PDSS2: variants seen among roughly 807,000 people sequenced by gnomAD.
PDSS2 encodes the protein decaprenyl diphosphate synthase subunit 2.
In PDSS2, 31 loss-of-function variants were observed where a neutral mutation model predicts 44.5. That is an observed-to-expected ratio of 0.70 (90% CI 0.52 to 0.94). The LOEUF (loss-of-function observed/expected upper bound fraction) is 0.94, where lower values mean the gene tolerates loss of function less well. Ranked by LOEUF, PDSS2 falls within the 40% of genes least tolerant of loss-of-function variation. The probability of loss-of-function intolerance (pLI) is 0.00; values close to 1 mark genes in which losing one functional copy is unlikely to be tolerated. For synonymous variants in PDSS2, 157 were observed against 180.3 expected, an observed-to-expected ratio of 0.87 and a Z score of 1.03; for missense variants, 452 against 482.2, an observed-to-expected ratio of 0.94 and a Z score of 0.59.
At chr6:107,443,084 G>A (rs1781558372) in intron 1 of PDSS2, among the ~76,000 whole-genome samples, 1 of 152,222 alleles carries the variant, frequency 6.6e-6, no homozygotes, top group South Asian at 2.1e-4. Flanking sequence ...GTGGGTCAGT[G>A]TCTGGTGTTG....
chr6:107,258,581 C>G (rs1243201506), intron 3 of PDSS2, among the ~76,000 whole-genome samples: 2 of 152,162 alleles, frequency 1.3e-5, no homozygotes, highest in Non-Finnish European at 2.9e-5. Context: ...GCAGGCAGAT[C>G]ACCTGAGGTC....
At chr6:107,237,782 G>C (rs1383120967) in intron 4 of PDSS2, among the ~76,000 whole-genome samples, 1 of 151,288 alleles carries the variant, frequency 6.6e-6, no homozygotes, top group Non-Finnish European at 1.5e-5. Flanking sequence ...TGTAGTTCCA[G>C]CTACTTGGGA....
chr6:107,435,021 A>G (rs1781305384), intron 1 of PDSS2, among the ~76,000 whole-genome samples: 2 of 152,130 alleles, frequency 1.3e-5, no homozygotes. Context: ...TCATGTCTGT[A>G]ATCTCAGTAC....
intron 3 of PDSS2, among the ~76,000 whole-genome samples, chr6:107,263,218 C>T (rs570294940): frequency 8.6e-5 from 13 of 151,894 alleles, no homozygotes; most frequent in African/African-American, 2.7e-4. Context: ...TTTGGGAGGC[C>T]GAGGTGGGTA....
At chr6:107,378,573 G>C (rs1233742149) in intron 1 of PDSS2, among the ~76,000 whole-genome samples, 1 of 152,044 alleles carries the variant, frequency 6.6e-6, no homozygotes, top group Non-Finnish European at 1.5e-5. Flanking sequence ...ATCACCTGAG[G>C]TCAGGAGTTC....
chr6:107,450,101 T>A (rs1372967101), intron 1 of PDSS2, among the ~76,000 whole-genome samples: 1 of 152,206 alleles, frequency 6.6e-6, no homozygotes, highest in Admixed American at 6.5e-5. Flanking sequence ...ATTTTTAATT[T>A]TTTGATGAAT....
At chr6:107,440,066 T>C (rs1022749070) in intron 1 of PDSS2, among the ~76,000 whole-genome samples, 21 of 152,176 alleles carry the variant, frequency 1.4e-4, no homozygotes, top group Non-Finnish European at 2.1e-4. Context: ...AACAGGGATT[T>C]CCTCCCACCA....
intron 2 of PDSS2, among the ~76,000 whole-genome samples, chr6:107,321,014 T>C (rs1777365159): frequency 6.6e-6 from 1 of 152,208 alleles, no homozygotes. Flanking sequence ...TCTTTAAGCC[T>C]GTTTACCAAG....
chr6:107,359,773 T>C (rs76678504), intron 1 of PDSS2, among the ~76,000 whole-genome samples: 3,405 of 152,166 alleles, frequency 0.022, 106 homozygotes, highest in East Asian at 0.13. Context: ...GCCACTAACT[T>C]CTGAAAAGTC....
At position 107,228,300 on chromosome 6, in the gene PDSS2, C is replaced by T. The variant is rs114594083; in HGVS notation, c.703-16018G>A. Among the ~76,000 whole-genome samples the T allele has an allele frequency of 6.4e-3, 972 of 152,284 alleles. 11 individuals are homozygous for T. The highest frequency in any genetic ancestry group is 0.023 in the African/African-American group (936 of 41,548). ...CTGCCTTCTCAATATCTATATCAACCTTCACTTTACCACTTTGCATATTTA... is the reference window on the plus strand; with the variant it reads ...CTGCCTTCTCAATATCTATATCAACTTTCACTTTACCACTTTGCATATTTA... On this transcript the variant is annotated intron_variant, in intron 4 of 7. Transcript: ENST00000369037.
At chr6:107,187,912 C>T (rs898993060) in intron 7 of PDSS2, among the ~76,000 whole-genome samples, 1 of 152,102 alleles carries the variant, frequency 6.6e-6, no homozygotes, top group African/African-American at 2.4e-5. Flanking sequence ...CACTTAAATA[C>T]AAACTGATAA....
At chr6:107,409,464 G>C (rs1780423794) in intron 1 of PDSS2, among the ~76,000 whole-genome samples, 1 of 152,000 alleles carries the variant, frequency 6.6e-6, no homozygotes, top group Non-Finnish European at 1.5e-5. Context: ...CTTACAGTTT[G>C]ACTTAGATAC....
intron 2 of PDSS2, among the ~76,000 whole-genome samples, chr6:107,292,021 C>T (rs2115025307): frequency 6.6e-6 from 1 of 152,162 alleles, no homozygotes; most frequent in East Asian, 1.9e-4. Flanking sequence ...AGCTCTGTGT[C>T]TCTTTTAGAA....
chr6:107,313,699 A>AT (rs1447245464), intron 2 of PDSS2, among the ~76,000 whole-genome samples: 1 of 152,126 alleles, frequency 6.6e-6, no homozygotes, highest in East Asian at 1.9e-4. Context: ...TTAATCTTTA[A>AT]TTTACATTTC....
chr6:107,336,458 A>T (rs547753177), intron 1 of PDSS2, among the ~76,000 whole-genome samples: 7 of 152,198 alleles, frequency 4.6e-5, no homozygotes, highest in African/African-American at 9.6e-5. Context: ...AAGGGTTTAA[A>T]CTGATTTTTA....
intron 1 of PDSS2, among the ~76,000 whole-genome samples, chr6:107,443,591 T>A (rs184468513): frequency 8.5e-5 from 13 of 152,350 alleles, no homozygotes; most frequent in South Asian, 2.1e-4. Context: ...AAGTTTAGCA[T>A]CAGATACTCT....
intron 1 of PDSS2, among the ~76,000 whole-genome samples, chr6:107,458,571 A>T (rs1478634876): frequency 6.6e-6 from 1 of 151,982 alleles, no homozygotes; most frequent in Non-Finnish European, 1.5e-5. Flanking sequence ...ATCTACCTTC[A>T]GCCTCTCTCT....
intron 2 of PDSS2, among the ~76,000 whole-genome samples, chr6:107,307,583 C>T (rs1041883945): frequency 6.7e-6 from 1 of 149,486 alleles, no homozygotes; most frequent in African/African-American, 2.5e-5. Context: ...TGTACTTATT[C>T]TGACCAAACT....
chr6:107,221,428 A>C (rs1031895810), intron 4 of PDSS2, among the ~76,000 whole-genome samples: 1 of 151,174 alleles, frequency 6.6e-6, no homozygotes, highest in Non-Finnish European at 1.5e-5. Context: ...TATTATACAG[A>C]AAAGGAGGAT....
Sources: allele counts gnomAD v4.1 joint callset (sites outside exome capture counted in the v4.1 genomes callset), GRCh38; gene constraint gnomAD v4.1.1; transcripts MANE v1.5; gene names NCBI Gene and HGNC (gene_info 2026-07-23, HGNC 2026-07-21).